Variants in DMD observed in about 807,000 individuals in gnomAD.
DMD encodes the protein mutant dystrophin.
DMD carries 63 observed loss-of-function variants against 330.1 expected under a neutral mutation model. That is an observed-to-expected ratio of 0.19 (90% CI 0.16 to 0.24). DMD has a LOEUF of 0.24. DMD is among the 10% of genes least tolerant of loss of function. DMD has a pLI of 1.00. For synonymous variants in DMD, 1,223 were observed against 959.8 expected (o/e 1.27, Z -5.07); for missense variants, 3,344 against 2,684.1 (o/e 1.25, Z -5.43).
chrX:33,140,648 A>T (rs186096362), intron 1 of DMD, among the ~76,000 whole-genome samples: 50 of 112,033 alleles, frequency 4.5e-4, no homozygotes, highest in African/African-American at 1.6e-3. Context: ...CTTACACAAC[A>T]CTACTCCTGA....
intron 1 of DMD, among the ~76,000 whole-genome samples, chrX:33,075,399 T>A (rs1311211762): frequency 8.9e-6 from 1 of 111,935 alleles, no homozygotes; most frequent in Non-Finnish European, 1.9e-5. Flanking sequence ...AAAACTCTGA[T>A]CTTCTGCTTA....
At chrX:33,279,561 T>C (rs1447391072) in intron 1 of DMD, among the ~76,000 whole-genome samples, 1 of 110,853 alleles carries the variant, frequency 9.0e-6, no homozygotes, top group Non-Finnish European at 1.9e-5. Flanking sequence ...AAGTTTTCAT[T>C]TTTTTAAGAA....
At chrX:32,760,171 T>A (rs767231231) in intron 7 of DMD, among the ~76,000 whole-genome samples, 2 of 111,866 alleles carry the variant, frequency 1.8e-5, no homozygotes, top group South Asian at 7.3e-4. Context: ...ACATACCCAA[T>A]TATTAGGTAA....
At chrX:31,732,177 C>T (rs1370998622) in intron 51 of DMD, among the ~76,000 whole-genome samples, 1 of 109,432 alleles carries the variant, frequency 9.1e-6, no homozygotes, top group Non-Finnish European at 1.9e-5. Context: ...TACAACTATG[C>T]ATTTCTAAAA....
chrX:33,159,882 T>TA (rs201500932), intron 1 of DMD, among the ~76,000 whole-genome samples: 2,568 of 111,842 alleles, frequency 0.023, 53 homozygotes, highest in African/African-American at 0.078. Context: ...AAATACAATT[T>TA]AAAAATACAA....
intron 1 of DMD, among the ~76,000 whole-genome samples, chrX:33,337,944 G>T (rs926377128): frequency 2.7e-5 from 3 of 111,761 alleles, no homozygotes; most frequent in Non-Finnish European, 5.7e-5. Flanking sequence ...GGTCATATTA[G>T]ATGTACATAT....
chrX:31,135,230 T>C (rs1175278959), intron 76 of DMD, among the ~76,000 whole-genome samples: 5 of 111,997 alleles, frequency 4.5e-5, no homozygotes, highest in Non-Finnish European at 7.5e-5. Context: ...ATTGAACACT[T>C]TGCAGTCACT....
intron 1 of DMD, among the ~76,000 whole-genome samples, chrX:33,076,537 T>A (rs1374196189): frequency 9.0e-6 from 1 of 111,339 alleles, no homozygotes; most frequent in Admixed American, 9.6e-5. Flanking sequence ...GTTTGTGGGA[T>A]ATGGGACTTT....
intron 45 of DMD, among the ~76,000 whole-genome samples, chrX:31,964,962 T>A (rs1211122091): frequency 9.0e-6 from 1 of 111,533 alleles, no homozygotes; most frequent in Admixed American, 9.6e-5. Context: ...ATTATAATGT[T>A]TTGAAATCTT....
chrX:32,610,239 C>A (rs1431115030), intron 12 of DMD, among the ~76,000 whole-genome samples: 4 of 111,231 alleles, frequency 3.6e-5, no homozygotes, highest in Non-Finnish European at 7.6e-5. Context: ...AAAGCTAAAG[C>A]AAACCTCTAA....
chrX:32,495,916 C>A (rs1449393465), intron 19 of DMD, among the ~76,000 whole-genome samples: 1 of 111,416 alleles, frequency 9.0e-6, no homozygotes, highest in Non-Finnish European at 1.9e-5. Context: ...TTATGGAAAC[C>A]ATTTTGTTGT....
intron 55 of DMD, among the ~76,000 whole-genome samples, chrX:31,528,617 T>C (rs1419559826): frequency 8.9e-6 from 1 of 112,417 alleles, no homozygotes; most frequent in African/African-American, 3.2e-5. Context: ...TCGAGCTTAA[T>C]TTTTTAAATC....
chrX:31,838,153 T>C (rs944292467), intron 48 of DMD, among the ~76,000 whole-genome samples: 1 of 111,879 alleles, frequency 8.9e-6, no homozygotes, highest in Non-Finnish European at 1.9e-5. Context: ...AAGGAAAATC[T>C]AGTTTTACTT....
At chrX:33,096,253 C>A (rs182930822) in intron 1 of DMD, among the ~76,000 whole-genome samples, 3 of 110,724 alleles carry the variant, frequency 2.7e-5, no homozygotes, top group African/African-American at 9.9e-5. Flanking sequence ...GGATTACTGG[C>A]GTGAGCCACC....
rs56678455 is a variant in DMD at position 32,518,997 on chromosome X, CTTTTTTTTTTTTTTTT to C, written c.2169-882_2169-867del. Among the ~76,000 whole-genome samples the C allele has an allele frequency of 3.6e-3, 150 of 42,109 alleles. 2 individuals carry two copies. Among genetic ancestry groups the C allele is most frequent in the African/African-American group, 0.014 (145 of 10,310 alleles). The allele number at this position is 42,109 out of a possible 115,157, so 36.6% of individuals were successfully genotyped here. ...ATCACCTATCCTGTTATTTTCAAAC[CTTTTTTTTTTTTTTTT>C]TTTTTTTTTTTGGAAGAGATCTTTG... On this transcript the variant is annotated intron_variant, in intron 17 of 78. Coordinates refer to ENST00000357033, the MANE Select transcript of DMD (RefSeq NM_004006.3).
chrX:32,467,790 C>T (rs1245924967), intron 23 of DMD, among the ~76,000 whole-genome samples: 1 of 109,253 alleles, frequency 9.2e-6, no homozygotes, highest in African/African-American at 3.3e-5. Flanking sequence ...TTTTAGCCCA[C>T]AGAGATTAAT....
intron 18 of DMD, among the ~76,000 whole-genome samples, chrX:32,513,199 C>G (rs1455866958): frequency 8.9e-6 from 1 of 112,159 alleles, no homozygotes; most frequent in African/African-American, 3.2e-5. Flanking sequence ...AGACTGGCTG[C>G]AAGTACCAAG....
At chrX:31,599,068 G>A (rs2077232403) in intron 55 of DMD, among the ~76,000 whole-genome samples, 1 of 111,739 alleles carries the variant, frequency 8.9e-6, no homozygotes, top group South Asian at 3.7e-4. Context: ...ATAAAATCCT[G>A]ATCACCAGAT....
At chrX:32,285,920 G>A (rs1040176375) in intron 43 of DMD, among the ~76,000 whole-genome samples, 1 of 110,540 alleles carries the variant, frequency 9.0e-6, no homozygotes, top group Non-Finnish European at 1.9e-5. Context: ...GGCTGGTCTC[G>A]GACTCCTGAC....
Sources: allele counts gnomAD v4.1 joint callset (sites outside exome capture counted in the v4.1 genomes callset), GRCh38; gene constraint gnomAD v4.1.1; transcripts MANE v1.5; gene names NCBI Gene and HGNC (gene_info 2026-07-23, HGNC 2026-07-21).